PTPRD: variants seen among roughly 807,000 people sequenced by gnomAD.
PTPRD encodes the protein receptor-type tyrosine-protein phosphatase delta.
PTPRD carries 34 observed loss-of-function variants against 214.5 expected under a neutral mutation model. The observed-to-expected ratio is 0.16, with a 90% confidence interval of 0.12 to 0.21. The LOEUF (loss-of-function observed/expected upper bound fraction) is 0.21, where lower values mean the gene tolerates loss of function less well. PTPRD is among the 10% of genes least tolerant of loss of function. The pLI, the probability that PTPRD is intolerant of heterozygous loss-of-function variation, is 1.00. For synonymous variants in PTPRD, 1,128 were observed against 845.7 expected, an observed-to-expected ratio of 1.33 and a Z score of -5.79; for missense variants, 2,545 against 2,398.7, an observed-to-expected ratio of 1.06 and a Z score of -1.27.
chr9:10,583,502 A>G (rs1466290136), intron 2 of PTPRD, among the ~76,000 whole-genome samples: 1 of 150,916 alleles, frequency 6.6e-6, no homozygotes, highest in African/African-American at 2.4e-5. Context: ...CCCAGGCTGG[A>G]CTGCCGTGGC....
intron 6 of PTPRD, among the ~76,000 whole-genome samples, chr9:9,757,630 G>A (rs1372471743): frequency 6.6e-6 from 1 of 151,834 alleles, no homozygotes; most frequent in African/African-American, 2.4e-5. Flanking sequence ...TAATATATTA[G>A]CCACTAGAAT....
At position 9,211,422 on chromosome 9, in the gene PTPRD, A is replaced by AT. The variant is rs1229418040; in HGVS notation, c.-202-28060dup. On this transcript the variant is annotated intron_variant, in intron 9 of 45. Coordinates refer to ENST00000381196, the MANE Select transcript of PTPRD (RefSeq NM_002839.4). ...AAGCAATTAGAAGAGTGTTGGGCAT[A>AT]TTTTTTAAGTACTGTATAAATATTA... Among the ~76,000 whole-genome samples the AT allele has an allele frequency of 4.6e-5, 7 of 151,978 alleles. No homozygotes were observed. The East Asian group carries it at 1.2e-3, about 25-fold the overall frequency.
intron 12 of PTPRD, among the ~76,000 whole-genome samples, chr9:8,662,923 T>C (rs914738858): frequency 6.0e-4 from 92 of 152,276 alleles, no homozygotes; most frequent in African/African-American, 2.1e-3. Context: ...GCTAAGCATA[T>C]TATCTAAAGT....
intron 9 of PTPRD, among the ~76,000 whole-genome samples, chr9:9,200,115 T>A (rs1375745489): frequency 2.0e-5 from 3 of 152,194 alleles, no homozygotes; most frequent in Non-Finnish European, 2.9e-5. Context: ...GGAAATAAGT[T>A]GCCTCTGCTC....
At chr9:8,537,000 A>T (rs180857847) in intron 14 of PTPRD, among the ~76,000 whole-genome samples, 148 of 152,188 alleles carry the variant, frequency 9.7e-4, no homozygotes, top group Admixed American at 2.7e-3. Flanking sequence ...TCCAGAATAC[A>T]GTCCTTGAAG....
At chr9:10,342,842 G>T (rs1255582451) in intron 2 of PTPRD, among the ~76,000 whole-genome samples, 1 of 152,132 alleles carries the variant, frequency 6.6e-6, no homozygotes, top group African/African-American at 2.4e-5. Context: ...CTACTTACCA[G>T]CATATGTCCA....
chr9:9,075,771 T>C (rs1415198008), intron 10 of PTPRD, among the ~76,000 whole-genome samples: 1 of 152,190 alleles, frequency 6.6e-6, no homozygotes, highest in African/African-American at 2.4e-5. Context: ...TAGTATTCCA[T>C]GATGTATATG....
At chr9:8,824,527 A>T (rs991540820) in intron 11 of PTPRD, among the ~76,000 whole-genome samples, 1 of 152,328 alleles carries the variant, frequency 6.6e-6, no homozygotes, top group African/African-American at 2.4e-5. Context: ...TTAATAAAAC[A>T]TTCAGTAAGC....
At chr9:8,989,670 T>A (rs373481835) in intron 11 of PTPRD, among the ~76,000 whole-genome samples, 102 of 152,192 alleles carry the variant, frequency 6.7e-4, no homozygotes, top group African/African-American at 2.1e-3. Context: ...CACCCTGATT[T>A]TAAAGGGTTT....
chr9:10,210,282 G>A (rs868518675), intron 3 of PTPRD, among the ~76,000 whole-genome samples: 5 of 152,148 alleles, frequency 3.3e-5, no homozygotes, highest in Admixed American at 6.5e-5. Context: ...GCTTCTTAAA[G>A]CCATACAGAG....
intron 6 of PTPRD, among the ~76,000 whole-genome samples, chr9:9,742,176 C>G (rs911733480): frequency 5.3e-5 from 8 of 152,106 alleles, no homozygotes; most frequent in Non-Finnish European, 1.0e-4. Context: ...TTTTTCCATA[C>G]ATTTGTTGGC....
At chr9:10,463,415 A>G (rs959721447) in intron 2 of PTPRD, among the ~76,000 whole-genome samples, 2 of 152,172 alleles carry the variant, frequency 1.3e-5, no homozygotes, top group African/African-American at 4.8e-5. Flanking sequence ...CAGATATTGA[A>G]AACACAGAAC....
At chr9:8,321,461 TTGTGTGTGTGTGTGTGTG>T (rs4008233) in intron 44 of PTPRD, among the ~76,000 whole-genome samples, 1 of 86,602 alleles carries the variant, frequency 1.2e-5, no homozygotes, top group South Asian at 4.1e-4. Flanking sequence ...GAAGTCTTCT[TTGTGTGTGTGTGTGTGTG>T]TGTGTGTGTA....
At chr9:9,391,329 T>C (rs1374161700) in intron 9 of PTPRD, among the ~76,000 whole-genome samples, 1 of 152,170 alleles carries the variant, frequency 6.6e-6, no homozygotes, top group Non-Finnish European at 1.5e-5. Context: ...AGACATTTCA[T>C]TTTTTAAATG....
intron 5 of PTPRD, among the ~76,000 whole-genome samples, chr9:9,878,842 G>A (rs949739068): frequency 2.0e-5 from 3 of 152,060 alleles, no homozygotes; most frequent in African/African-American, 7.2e-5. Context: ...AAAAGATGAA[G>A]AGGAAGAACC....
chr9:8,755,231 A>G (rs950209667), intron 11 of PTPRD, among the ~76,000 whole-genome samples: 2 of 140,066 alleles, frequency 1.4e-5, no homozygotes, highest in South Asian at 2.2e-4. Flanking sequence ...AAAAAAAAAA[A>G]ACAAAAAAAA....
chr9:9,377,561 A>C (rs937153282), intron 9 of PTPRD, among the ~76,000 whole-genome samples: 1 of 152,144 alleles, frequency 6.6e-6, no homozygotes, highest in Non-Finnish European at 1.5e-5. Flanking sequence ...CAGAGGCTTT[A>C]TTTGGATATT....
At chr9:9,477,812 G>A (rs990718455) in intron 8 of PTPRD, among the ~76,000 whole-genome samples, 5 of 151,898 alleles carry the variant, frequency 3.3e-5, no homozygotes, top group African/African-American at 1.2e-4. Flanking sequence ...CTTGACAAAC[G>A]TGTTTCAAAA....
intron 5 of PTPRD, among the ~76,000 whole-genome samples, chr9:9,810,899 A>G (rs1406583346): frequency 1.3e-5 from 2 of 151,552 alleles, no homozygotes; most frequent in Non-Finnish European, 2.9e-5. Flanking sequence ...AGATGCCAGT[A>G]AGAACATTTG....
Sources: gnomAD v4.1 joint callset for allele counts (sites outside exome capture counted in the v4.1 genomes callset) on GRCh38, gnomAD v4.1.1 for gene constraint, MANE v1.5 for transcripts, NCBI Gene and HGNC (gene_info 2026-07-23, HGNC 2026-07-21) for gene names.